The following CPSF7 variants were observed in gnomAD, a reference collection of about 807,000 sequenced individuals.
The protein encoded by CPSF7 is cleavage and polyadenylation specific factor 7, also known as cleavage and polyadenylation specificity factor subunit 7.
A neutral mutation model predicts 44.3 loss-of-function variants in CPSF7; 1 was observed. The ratio of observed to expected loss-of-function variants is 0.02; its 90% CI spans 0.01 to 0.11. The LOEUF (loss-of-function observed/expected upper bound fraction) is 0.11. Ranked by LOEUF, CPSF7 falls within the 10% of genes least tolerant of loss-of-function variation. The pLI, the probability that CPSF7 is intolerant of heterozygous loss-of-function variation, is 1.00. For missense variants in CPSF7, 443 were observed against 607.2 expected, an observed-to-expected ratio of 0.73 and a Z score of 2.84; for synonymous variants, 202 against 222.0, an observed-to-expected ratio of 0.91 and a Z score of 0.80.
intron 2 of CPSF7, chr11:61,427,070 G>A (rs1590743109): frequency 2.2e-5 from 3 of 134,762 alleles, no homozygotes; most frequent in South Asian, 2.6e-4. Context: ...ACTAAGGACC[G>A]CTCTTGTTAT....
intron 2 of CPSF7, among the ~76,000 whole-genome samples, chr11:61,426,197 G>A (rs1861321366): frequency 6.6e-6 from 1 of 152,234 alleles, no homozygotes; most frequent in Non-Finnish European, 1.5e-5. Context: ...AAGTGCACAT[G>A]AAGGGCTTCC....
chr11:61,425,224 T>C (rs1468207359), intron 2 of CPSF7, among the ~76,000 whole-genome samples: 6 of 152,230 alleles, frequency 3.9e-5, no homozygotes, highest in East Asian at 3.8e-4. Flanking sequence ...AGGTATCAAA[T>C]TGTTTGGATT....
intron 7 of CPSF7, among the ~76,000 whole-genome samples, chr11:61,414,418 G>A (rs1860130181): frequency 6.6e-6 from 1 of 152,068 alleles, no homozygotes; most frequent in Non-Finnish European, 1.5e-5. Context: ...AAAGTGCTGG[G>A]ACTACAGGCA....
chr11:61,413,081 C>T (rs559909329), intron 7 of CPSF7, among the ~76,000 whole-genome samples: 14 of 152,152 alleles, frequency 9.2e-5, no homozygotes, highest in South Asian at 6.2e-4. Flanking sequence ...GCCACTTCAC[C>T]TGGCTTATTT....
In CPSF7 at chr11:61,410,926, G is replaced by A; in HGVS notation, c.*5+12C>T. 6 of 1,565,630 alleles carry A rather than the reference G, an allele frequency of 3.8e-6. No homozygotes were observed. Among genetic ancestry groups the A allele is most frequent in the South Asian group, 2.4e-5 (2 of 84,762 alleles). ...AAATCCCCCAGCAGCCAGGAACGGG[G>A]CTTCTCCCCACCTTTCTCAGTGGTG... On this transcript the variant is annotated intron_variant, in intron 9 of 9. Coordinates refer to ENST00000439958, the MANE Select transcript of CPSF7 (RefSeq NM_001142565.3).
chr11:61,423,139 G>T (rs1347542109), intron 2 of CPSF7, among the ~76,000 whole-genome samples: 6 of 140,802 alleles, frequency 4.3e-5, no homozygotes, highest in Non-Finnish European at 6.1e-5. Flanking sequence ...AAGGGTTCAG[G>T]ATTCTACAAT....
At chr11:61,406,836 G>A (rs920478636) in intron 9 of CPSF7, among the ~76,000 whole-genome samples, 2 of 151,990 alleles carry the variant, frequency 1.3e-5, no homozygotes, top group Admixed American at 6.6e-5. Flanking sequence ...TCTATCTCCC[G>A]GGCTCAAGTG....
In CPSF7 at chr11:61,420,867, A is replaced by G. The variant is rs1860799796; in HGVS notation, c.274-294T>C. 3 of 488,024 alleles carry G rather than the reference A, an allele frequency of 6.1e-6. No individual in the cohort carries two copies. The East Asian group carries it at 1.3e-4, about 21-fold the overall frequency. 30.2% of individuals were successfully genotyped at this position (488,024 alleles called of 1,614,324 possible). ...AAACATTGACAGCTAGCAATTTTTT[A>G]ATTATAGATCTGTCAGGCTAGAGTT... is the stretch of plus-strand genomic sequence containing the variant. On this transcript the variant is annotated intron_variant, in intron 3 of 9. Transcript: ENST00000439958.
chr11:61,407,852 G>T (rs1859464324), intron 9 of CPSF7, among the ~76,000 whole-genome samples: 1 of 152,058 alleles, frequency 6.6e-6, no homozygotes, highest in Admixed American at 6.6e-5. Flanking sequence ...GGTTGTCACT[G>T]GGCAAAATAC....
At chr11:61,415,089 T>C (rs1163091478) in intron 7 of CPSF7, among the ~76,000 whole-genome samples, 1 of 152,032 alleles carries the variant, frequency 6.6e-6, no homozygotes, top group Non-Finnish European at 1.5e-5. Flanking sequence ...AATACAAAAA[T>C]TAGCCGGGCG....
intron 3 of CPSF7, chr11:61,420,966 A>G: frequency 1.3e-6 from 1 of 798,032 alleles, no homozygotes; most frequent in South Asian, 1.4e-5. Context: ...ACCAGCCCCA[A>G]AACATCACAA....
At chr11:61,424,397 T>C (rs1861167269) in intron 2 of CPSF7, among the ~76,000 whole-genome samples, 1 of 152,228 alleles carries the variant, frequency 6.6e-6, no homozygotes, top group Admixed American at 6.5e-5. Context: ...AGGATTTATA[T>C]ACATCACTTG....
intron 8 of CPSF7, 108 bp from the exon 9 acceptor site, chr11:61,411,213 C>T: frequency 9.0e-7 from 1 of 1,111,078 alleles, no homozygotes; most frequent in African/African-American, 1.6e-5. Context: ...CTCTATTACT[C>T]TATCATGGGC....
intron 5 of CPSF7, among the ~76,000 whole-genome samples, chr11:61,417,279 C>A (rs1054288225): frequency 6.6e-6 from 1 of 152,244 alleles, no homozygotes; most frequent in Non-Finnish European, 1.5e-5. Context: ...AAATCCTCTA[C>A]CCTTCAGGGC....
intron 9 of CPSF7, among the ~76,000 whole-genome samples, chr11:61,409,983 T>A (rs1231465125): frequency 1.3e-5 from 2 of 151,580 alleles, no homozygotes; most frequent in African/African-American, 4.8e-5. Context: ...AAAAAAAAGA[T>A]AGGGTTTCAC....
chr11:61,405,679 T>C (rs991868983), intron 9 of CPSF7, among the ~76,000 whole-genome samples: 1 of 152,226 alleles, frequency 6.6e-6, no homozygotes, highest in Non-Finnish European at 1.5e-5. Context: ...ATGCCCAAAC[T>C]GGCAACACAG....
chr11:61,416,509 T>TATTCCCATA lies in CPSF7; in HGVS notation c.533_534insTATGGGAAT (p.Pro178_Arg179insMetGlyIle). The TATTCCCATA allele has an allele frequency of 6.2e-7, 1 of 1,614,022 alleles. No individual in the cohort carries two copies. The highest frequency in any genetic ancestry group is 8.5e-7 in the Non-Finnish European group (1 of 1,179,954). ...CACTAGAATCTCGGGAATGGGCCCG[T>TATTCCCATA]GGAGGTATTCCTATGAAGCAAAACA... On this transcript the variant is annotated inframe_insertion, in exon 6 of 10. Transcript: ENST00000439958.
At chr11:61,410,687 G>A (rs1007882626) in intron 9 of CPSF7, 1 of 319,892 alleles carries the variant, frequency 3.1e-6, no homozygotes, top group Non-Finnish European at 5.7e-6. Flanking sequence ...ATTGGTACCT[G>A]AATGCAGACA....
intron 1 of CPSF7, chr11:61,429,558 C>T: frequency 3.3e-6 from 2 of 604,238 alleles, no homozygotes; most frequent in Non-Finnish European, 5.5e-6. Flanking sequence ...GTCCCACCCT[C>T]GGGTCCTAGT....
Sources: gnomAD v4.1 joint callset for allele counts (sites outside exome capture counted in the v4.1 genomes callset) on GRCh38, gnomAD v4.1.1 for gene constraint, MANE v1.5 for transcripts, NCBI Gene and HGNC (gene_info 2026-07-23, HGNC 2026-07-21) for gene names.